The following PSMD8 variants were observed in gnomAD, a reference collection of about 807,000 sequenced individuals.
PSMD8 encodes 26S proteasome non-ATPase regulatory subunit 8.
PSMD8 carries 30 observed loss-of-function variants against 40.0 expected under a neutral mutation model. That is an observed-to-expected ratio of 0.75 (90% confidence interval 0.56 to 1.02). The LOEUF (loss-of-function observed/expected upper bound fraction) is 1.02, where lower values mean the gene tolerates loss of function less well. Among genes scored for constraint, PSMD8 ranks in the 50% least tolerant of loss-of-function variants. PSMD8 has a pLI of 0.00. For synonymous variants in PSMD8, 208 were observed against 192.5 expected, an observed-to-expected ratio of 1.08 and a Z score of -0.67; for missense variants, 461 against 463.9, an observed-to-expected ratio of 0.99 and a Z score of 0.06.
intron 3 of PSMD8, among the ~76,000 whole-genome samples, chr19:38,377,940 A>G (rs954932279): frequency 1.3e-5 from 2 of 150,888 alleles, no homozygotes; most frequent in Non-Finnish European, 2.9e-5. Flanking sequence ...GCGCCCGGCC[A>G]GTAACTCTTA....
rs564189180 is a variant in PSMD8, at chr19:38,381,058, G to T, written c.803+59G>T. On this transcript the variant is annotated intron_variant, in intron 5 of 6. Coordinates refer to ENST00000215071, the MANE Select transcript of PSMD8 (RefSeq NM_002812.5). ...AAAGAACTTGGGCTTGAGTCGGACAGCTCCGAGTCTGAATCTCATTCCAGC... is the reference window on the plus strand; with the variant it reads ...AAAGAACTTGGGCTTGAGTCGGACATCTCCGAGTCTGAATCTCATTCCAGC... 2.8e-5 allele frequency: 37 copies of T among 1,305,938 alleles called. 1 individual carries two copies. In the South Asian group the frequency reaches 4.5e-4, roughly 16 times the overall value. 80.9% of individuals were successfully genotyped at this position (1,305,938 alleles called of 1,614,324 possible).
chr19:38,383,172 G>A, intron 6 of PSMD8, 81 bp from the exon 7 acceptor site: 1 of 1,564,964 alleles, frequency 6.4e-7, no homozygotes, highest in Non-Finnish European at 8.8e-7. Flanking sequence ...CATAGGACAC[G>A]TGGGCAAGTG....
Position 38,379,312 on chromosome 19 carries a change from C to T in PSMD8, c.609C>T (p.Asn203=), listed in dbSNP as rs1402984512. ...GLNLLFLLSQ[N]RVAEFHTELE... is the part of the protein sequence containing the mutation. ...ACCTCCTCTTCCTGCTGTCCCAGAACCGGGTGGCTGAGTTCCACACGGAGT... is the reference window on the plus strand; with the variant it reads ...ACCTCCTCTTCCTGCTGTCCCAGAATCGGGTGGCTGAGTTCCACACGGAGT... The change falls in exon 4 of 7, where the codon AAC becomes AAT. Residue 203 remains asparagine, a synonymous_variant. Coordinates refer to ENST00000215071, the MANE Select transcript of PSMD8 (RefSeq NM_002812.5). 8 of 1,614,028 alleles carry T rather than the reference C, an allele frequency of 5.0e-6. No individual in the cohort carries two copies. The highest frequency in any genetic ancestry group is 5.9e-6 in the Non-Finnish European group (7 of 1,179,894).
chr19:38,378,714 G>T (rs1970617045), intron 3 of PSMD8, among the ~76,000 whole-genome samples: 1 of 151,686 alleles, frequency 6.6e-6, no homozygotes, highest in African/African-American at 2.4e-5. Context: ...AGCACTTTGG[G>T]AGGCCGAGGT....
chr19:38,374,778 C>T lies in PSMD8; in HGVS notation c.177C>T (p.Ala59=), dbSNP rs753614181. The T allele has an allele frequency of 2.0e-5, 32 of 1,570,258 alleles. No individual in the cohort carries two copies. Among genetic ancestry groups the T allele is most frequent in the Non-Finnish European group, 2.4e-5 (28 of 1,163,334 alleles). Reference sequence around the variant, plus strand: ...GCCGTAAATCAGGCGGTCTGCTTGCCGCATCACGCAAGATGGCGGCCGCGG... The same window carrying T: ...GCCGTAAATCAGGCGGTCTGCTTGCTGCATCACGCAAGATGGCGGCCGCGG... The part of the protein sequence containing the change: ...RRCRKSGGLL[A]ASRKMAAAAV... The change falls in exon 1 of 7, where the codon GCC becomes GCT. Residue 59 remains alanine (A), a synonymous_variant. Coordinates refer to ENST00000215071, the MANE Select transcript of PSMD8 (RefSeq NM_002812.5).
In PSMD8 at chr19:38,379,319, G is replaced by T. The variant is rs138444191; in HGVS notation, c.616G>T (p.Ala206Ser). The part of the protein sequence containing the change: ...LLFLLSQNRV[A>S]EFHTELERLP... Reference sequence around the variant, plus strand: ...CTTCCTGCTGTCCCAGAACCGGGTGGCTGAGTTCCACACGGAGTTGGAGCG... The same window carrying T: ...CTTCCTGCTGTCCCAGAACCGGGTGTCTGAGTTCCACACGGAGTTGGAGCG... Residue 206 changes from alanine to serine, a missense_variant, in exon 4 of 7, where the codon GCT (alanine) becomes TCT (serine). Transcript: ENST00000215071. 3 of 1,614,008 alleles carry T rather than the reference G, an allele frequency of 1.9e-6. No individual in the cohort carries two copies. Among genetic ancestry groups the T allele is most frequent in the Non-Finnish European group, 2.5e-6 (3 of 1,179,894 alleles).
chr19:38,380,723 T>TGTGTGTGCGTGCGTGCGCGC (rs1970633284), intron 4 of PSMD8, among the ~76,000 whole-genome samples, 176 bp from the exon 5 acceptor site: 1 of 143,896 alleles, frequency 6.9e-6, no homozygotes, highest in African/African-American at 2.5e-5. Context: ...TGTGTGTGTG[T>TGTGTGTGCGTGCGTGCGCGC]GTGTGTGCGC....
intron 6 of PSMD8, 56 bp downstream of exon 6, chr19:38,382,284 CAG>C: frequency 7.2e-7 from 1 of 1,387,370 alleles, no homozygotes; most frequent in South Asian, 1.2e-5. Flanking sequence ...TCACTAACAA[CAG>C]TGTGGGGTGG....
chr19:38,377,337 C>T (rs1970606069), intron 3 of PSMD8, among the ~76,000 whole-genome samples: 1 of 151,812 alleles, frequency 6.6e-6, no homozygotes, highest in South Asian at 2.1e-4. Context: ...TACAGGTGCA[C>T]ACCACCACTC....
chr19:38,378,319 A>C (rs1970613317), intron 3 of PSMD8, among the ~76,000 whole-genome samples: 1 of 151,844 alleles, frequency 6.6e-6, no homozygotes, highest in African/African-American at 2.4e-5. Flanking sequence ...CATCCTGGCT[A>C]ACACGGTGAA....
At chr19:38,380,362 T>A (rs1268142332) in intron 4 of PSMD8, among the ~76,000 whole-genome samples, 1 of 152,168 alleles carries the variant, frequency 6.6e-6, no homozygotes, top group Non-Finnish European at 1.5e-5. Context: ...GGCAGTACTG[T>A]GTCTGCTGTG....
intron 1 of PSMD8, 39 bp downstream of exon 1, chr19:38,375,000 G>T (rs773436308): frequency 1.3e-6 from 2 of 1,536,448 alleles, no homozygotes; most frequent in East Asian, 2.4e-5. Flanking sequence ...TGTTGCGGGC[G>T]TGGGAGGCGC....
At chr19:38,380,870 CTCTT>C (rs758903339) in intron 4 of PSMD8, 25 bp from the exon 5 acceptor site, 1 of 1,511,918 alleles carries the variant, frequency 6.6e-7, no homozygotes, top group African/African-American at 1.4e-5. Flanking sequence ...TCTTCATTCT[CTCTT>C]CTTCCCCCTT....
intron 2 of PSMD8, 46 bp from the exon 3 acceptor site, chr19:38,376,306 G>A: frequency 6.5e-7 from 1 of 1,537,288 alleles, no homozygotes; most frequent in Non-Finnish European, 8.8e-7. Flanking sequence ...GGTGGTTGGG[G>A]AAGAGACCTC....
intron 3 of PSMD8, among the ~76,000 whole-genome samples, 154 bp downstream of exon 3, chr19:38,376,608 G>C (rs1478089099): frequency 6.6e-6 from 1 of 152,150 alleles, no homozygotes; most frequent in Non-Finnish European, 1.5e-5. Flanking sequence ...TTGGCTTGGA[G>C]GTCCTGAGAC....
intron 3 of PSMD8, 97 bp from the exon 4 acceptor site, chr19:38,379,143 A>T: frequency 7.9e-7 from 1 of 1,258,600 alleles, no homozygotes; most frequent in Non-Finnish European, 1.1e-6. Context: ...CTTCAGGAAG[A>T]TGCATGGGGC....
intron 3 of PSMD8, 98 bp from the exon 4 acceptor site, chr19:38,379,142 G>T: frequency 8.0e-7 from 1 of 1,250,318 alleles, no homozygotes. Context: ...TCTTCAGGAA[G>T]ATGCATGGGG....
At chr19:38,378,245 C>G (rs542221685) in intron 3 of PSMD8, among the ~76,000 whole-genome samples, 2 of 152,130 alleles carry the variant, frequency 1.3e-5, no homozygotes, top group African/African-American at 4.8e-5. Flanking sequence ...TGGTGGCTTA[C>G]ACCTGTAATC....
chr19:38,383,123 A>G (rs1260413963), intron 6 of PSMD8, 130 bp from the exon 7 acceptor site: 4 of 1,201,936 alleles, frequency 3.3e-6, no homozygotes, highest in Middle Eastern at 2.8e-4. Flanking sequence ...TTACTTGTCA[A>G]GGGTCGTTGG....
Sources: gnomAD v4.1 joint callset for allele counts (sites outside exome capture counted in the v4.1 genomes callset) on GRCh38, gnomAD v4.1.1 for gene constraint, MANE v1.5 for transcripts, NCBI Gene and HGNC (gene_info 2026-07-23, HGNC 2026-07-21) for gene names.